Variants in STK3 observed in about 807,000 individuals in gnomAD.
STK3 encodes serine/threonine kinase 3, also known as serine/threonine-protein kinase 3.
STK3 carries 41 observed loss-of-function variants against 58.0 expected under a neutral mutation model. The observed-to-expected ratio is 0.71, with a 90% confidence interval of 0.55 to 0.92. STK3 has a LOEUF of 0.92. Ranked by LOEUF, STK3 falls within the 40% of genes least tolerant of loss-of-function variation. The pLI, the probability that STK3 is intolerant of heterozygous loss-of-function variation, is 0.00. For synonymous variants in STK3, 170 were observed against 191.0 expected (o/e 0.89, Z 0.91); for missense variants, 479 against 602.7 (o/e 0.79, Z 2.15).
At chr8:98,505,649 C>T (rs1251111607) in intron 10 of STK3, among the ~76,000 whole-genome samples, 3 of 152,210 alleles carry the variant, frequency 2.0e-5, no homozygotes, top group Non-Finnish European at 4.4e-5. Context: ...AGAATCAGGT[C>T]CCTCAGCTGC....
At chr8:98,711,482 C>T (rs1268896204) in intron 4 of STK3, among the ~76,000 whole-genome samples, 1 of 152,018 alleles carries the variant, frequency 6.6e-6, no homozygotes, top group African/African-American at 2.4e-5. Context: ...AACTACGTGA[C>T]AAATGCACAA....
At chr8:98,463,637 A>G (rs896035911) in intron 10 of STK3, among the ~76,000 whole-genome samples, 3 of 152,160 alleles carry the variant, frequency 2.0e-5, no homozygotes, top group Non-Finnish European at 4.4e-5. Context: ...TTAAGTTTAC[A>G]TATCTAGTCT....
the STK3 span, among the ~76,000 whole-genome samples, chr8:98,345,087 G>A: frequency 6.6e-6 from 1 of 151,932 alleles, no homozygotes; most frequent in African/African-American, 2.4e-5. Flanking sequence ...GAATGTTATA[G>A]CTGAAAATCC....
intron 6 of STK3, among the ~76,000 whole-genome samples, chr8:98,620,470 A>G (rs1243072221): frequency 2.0e-5 from 3 of 148,376 alleles, no homozygotes; most frequent in Non-Finnish European, 3.0e-5. Flanking sequence ...GTATAATAAA[A>G]AAAATAAATA....
intron 1 of STK3, among the ~76,000 whole-genome samples, chr8:98,927,132 T>C (rs956678369): frequency 2.0e-5 from 3 of 152,202 alleles, no homozygotes; most frequent in Non-Finnish European, 4.4e-5. Flanking sequence ...AGATGATACT[T>C]CCACTTTAGG....
intron 4 of STK3, among the ~76,000 whole-genome samples, chr8:98,739,249 C>A (rs1232727502): frequency 1.3e-5 from 2 of 152,166 alleles, no homozygotes; most frequent in Non-Finnish European, 2.9e-5. Context: ...AGTGGTTCTC[C>A]CAGCACGCAG....
chr8:98,864,301 G>A (rs115959928), intron 3 of STK3, among the ~76,000 whole-genome samples: 1 of 151,634 alleles, frequency 6.6e-6, no homozygotes, highest in African/African-American at 2.4e-5. Context: ...GGGAGTGATG[G>A]CTGAAGTTTC....
chr8:98,451,516 A>C (rs1054163362), downstream of STK3, among the ~76,000 whole-genome samples: 1 of 152,186 alleles, frequency 6.6e-6, no homozygotes, highest in Non-Finnish European at 1.5e-5. Context: ...CCTAATTTTT[A>C]TTTAGGTAGC....
intron 3 of STK3, among the ~76,000 whole-genome samples, chr8:98,424,113 A>G (rs7826857): frequency 0.91 from 138,606 of 152,320 alleles, 63,302 homozygotes; most frequent in Admixed American, 0.95. Context: ...TTTCAGCACG[A>G]TGACTGGGAA....
intron 6 of STK3, among the ~76,000 whole-genome samples, chr8:98,647,179 G>T (rs1820466419): frequency 6.6e-6 from 1 of 152,092 alleles, no homozygotes; most frequent in East Asian, 1.9e-4. Context: ...TGCCCAAAAT[G>T]ATCTCCCCAG....
chr8:98,756,215 A>G (rs1830280869), intron 3 of STK3, among the ~76,000 whole-genome samples: 1 of 152,152 alleles, frequency 6.6e-6, no homozygotes, highest in Middle Eastern at 3.2e-3. Context: ...TAAATCACAC[A>G]AAAAACTAAG....
intron 1 of STK3, among the ~76,000 whole-genome samples, chr8:98,907,142 A>AAT: frequency 7.1e-6 from 1 of 141,666 alleles, no homozygotes; most frequent in Non-Finnish European, 1.6e-5. Flanking sequence ...TGGGCGACAG[A>AAT]GCAAGATTCT....
At chr8:98,569,225 C>T (rs776026507) in intron 8 of STK3, among the ~76,000 whole-genome samples, 3 of 151,888 alleles carry the variant, frequency 2.0e-5, no homozygotes, top group Admixed American at 6.6e-5. Context: ...ACAATAAAGA[C>T]ACGGTCAGAT....
intron 1 of STK3, among the ~76,000 whole-genome samples, chr8:98,444,142 G>A (rs1340978852): frequency 6.6e-6 from 1 of 152,188 alleles, no homozygotes; most frequent in Non-Finnish European, 1.5e-5. Flanking sequence ...AGACAGAAGA[G>A]TAAGTAGATA....
At chr8:98,459,522 C>CGTT (rs1466600612) in intron 10 of STK3, among the ~76,000 whole-genome samples, 1 of 152,200 alleles carries the variant, frequency 6.6e-6, no homozygotes, top group Non-Finnish European at 1.5e-5. Flanking sequence ...CAGAAATCTG[C>CGTT]GTTAAGTAAT....
intron 1 of STK3, among the ~76,000 whole-genome samples, chr8:98,924,094 T>G (rs1839692370): frequency 6.6e-6 from 1 of 152,152 alleles, no homozygotes; most frequent in African/African-American, 2.4e-5. Context: ...GAGAGTCCAT[T>G]TGAAGAAAGC....
intron 10 of STK3, among the ~76,000 whole-genome samples, chr8:98,506,950 A>G (rs915784667): frequency 1.3e-5 from 2 of 152,186 alleles, no homozygotes; most frequent in African/African-American, 4.8e-5. Context: ...CCAGAACTGT[A>G]AAACAACACA....
chr8:98,610,118 C>T (rs1232232076), intron 6 of STK3, among the ~76,000 whole-genome samples: 1 of 151,324 alleles, frequency 6.6e-6, no homozygotes, highest in Non-Finnish European at 1.5e-5. Context: ...TGAATCAGAG[C>T]TTCAAAAGCA....
chr8:98,352,575 A>C, the STK3 span, among the ~76,000 whole-genome samples: 1 of 152,230 alleles, frequency 6.6e-6, no homozygotes, highest in Middle Eastern at 3.2e-3. Flanking sequence ...CTACAGCAGC[A>C]TGCATTCACA....
Sources: gnomAD v4.1 joint callset for allele counts (sites outside exome capture counted in the v4.1 genomes callset) on GRCh38, gnomAD v4.1.1 for gene constraint, MANE v1.5 for transcripts, NCBI Gene and HGNC (gene_info 2026-07-23, HGNC 2026-07-21) for gene names.